ZNF66: variants seen among roughly 807,000 people sequenced by gnomAD.
The protein encoded by ZNF66 is putative zinc finger protein 66.
A neutral mutation model predicts 35.2 loss-of-function variants in ZNF66; 32 were observed. The ratio of observed to expected loss-of-function variants is 0.91; its 90% CI spans 0.69 to 1.22. ZNF66 has a LOEUF of 1.22. Ranked by LOEUF, ZNF66 falls within the 50% of genes most tolerant of loss-of-function variation. The pLI, the probability that ZNF66 is intolerant of heterozygous loss-of-function variation, is 0.00. For synonymous variants in ZNF66, 231 were observed against 181.3 expected (o/e 1.27, Z -2.20); for missense variants, 666 against 543.1 (o/e 1.23, Z -2.25).
chr19:20,779,381 G>A (rs1971224912), intron 1 of ZNF66, among the ~76,000 whole-genome samples: 1 of 152,052 alleles, frequency 6.6e-6, no homozygotes, highest in South Asian at 2.1e-4. Context: ...GAGTGAAAAA[G>A]TCAGATTTTA....
chr19:20,798,129 T>C (rs952313219), intron 3 of ZNF66, among the ~76,000 whole-genome samples: 1 of 152,162 alleles, frequency 6.6e-6, no homozygotes, highest in Non-Finnish European at 1.5e-5. Context: ...ATGGGGATAG[T>C]CTTATTTTAC....
chr19:20,776,330 G>T lies in ZNF66; in HGVS notation c.-118G>T. ...TCTCTCCCTGCAGCTGGAGCTCCAG[G>T]TCGTCTGTTCACTGCTCTCTGTCTT... On this transcript the variant is annotated 5_prime_UTR_variant, in exon 1 of 4. Transcript: ENST00000344519. The T allele has an allele frequency of 3.5e-6, 5 of 1,442,478 alleles. No individual in the cohort carries two copies. Among genetic ancestry groups the T allele is most frequent in the Non-Finnish European group, 4.9e-6 (5 of 1,027,834 alleles). The allele number at this position is 1,442,478 out of a possible 1,614,324, so 89.4% of individuals were successfully genotyped here.
intron 1 of ZNF66, 69 bp from the exon 2 acceptor site, chr19:20,792,443 C>T: frequency 7.5e-7 from 1 of 1,330,122 alleles, no homozygotes; most frequent in Admixed American, 2.2e-5. Flanking sequence ...TCTCTCATTT[C>T]ACCTTAAGTC....
intron 3 of ZNF66, among the ~76,000 whole-genome samples, chr19:20,803,667 A>T (rs1490343517): frequency 6.6e-6 from 1 of 152,114 alleles, no homozygotes; most frequent in African/African-American, 2.4e-5. Context: ...GTATGTGCAT[A>T]TCTTTCCCAG....
At chr19:20,789,322 C>T (rs753521907) in intron 1 of ZNF66, among the ~76,000 whole-genome samples, 1 of 152,128 alleles carries the variant, frequency 6.6e-6, no homozygotes, top group Admixed American at 6.6e-5. Context: ...TCTGACTATA[C>T]CTTGGAGTCT....
chr19:20,778,335 C>G (rs756036580), intron 1 of ZNF66, among the ~76,000 whole-genome samples: 1 of 152,280 alleles, frequency 6.6e-6, no homozygotes, highest in South Asian at 2.1e-4. Flanking sequence ...CTTCTGACCT[C>G]GTGATCTACC....
chr19:20,789,404 T>C (rs1971316020), intron 1 of ZNF66, among the ~76,000 whole-genome samples: 2 of 152,164 alleles, frequency 1.3e-5, no homozygotes, highest in African/African-American at 4.8e-5. Flanking sequence ...AGAGCTGGTG[T>C]TCACAATTTC....
chr19:20,806,966 G>A lies in ZNF66; in HGVS notation c.1366G>A (p.Glu456Lys). ...CACTGGAGAGAAACCCTACGAATGT[G>A]AAGACTGTGGCAAAGCCTTTAACCG... ...IHTGEKPYEC[E>K]DCGKAFNRSS... The change falls in exon 4 of 4, where the codon GAA becomes AAA. Residue 456 changes from glutamate to lysine, a missense_variant. By Grantham distance (56) the Glu-to-Lys change is moderately conservative. Transcript: ENST00000344519. The A allele has an allele frequency of 4.5e-6, 5 of 1,100,996 alleles. No homozygotes were observed. The allele number at this position is 1,100,996 out of a possible 1,614,324, so 68.2% of individuals were successfully genotyped here.
At chr19:20,785,599 G>T (rs1971279783) in intron 1 of ZNF66, among the ~76,000 whole-genome samples, 1 of 151,990 alleles carries the variant, frequency 6.6e-6, no homozygotes, top group African/African-American at 2.4e-5. Flanking sequence ...TTCCATCTTT[G>T]TATTCTGTTA....
chr19:20,806,740 C>T lies in ZNF66; in HGVS notation c.1140C>T (p.Tyr380=). ...KCEECGEAFK[Y]SCSLTAHKII... ...AAGAATGTGGTGAAGCCTTTAAGTA[C>T]TCCTGTTCCCTTACTGCACATAAGA... Residue 380 remains tyrosine (Y), a synonymous_variant, in exon 4 of 4, where the codon TAC becomes TAT. Coordinates refer to ENST00000344519, the MANE Select transcript of ZNF66 (RefSeq NM_001355197.2). 1 of 1,360,988 alleles carries T rather than the reference C, an allele frequency of 7.3e-7. No homozygotes were observed. Among genetic ancestry groups the T allele is most frequent in the South Asian group, 1.2e-5 (1 of 85,590 alleles). The allele number at this position is 1,360,988 out of a possible 1,614,324, so 84.3% of individuals were successfully genotyped here.
intron 1 of ZNF66, among the ~76,000 whole-genome samples, chr19:20,780,697 C>T (rs1971237806): frequency 6.6e-6 from 1 of 151,740 alleles, no homozygotes; most frequent in Non-Finnish European, 1.5e-5. Context: ...AAAAAGATAT[C>T]ACAGAGGCCT....
chr19:20,805,126 T>TGTGAGA (rs752355466), intron 3 of ZNF66, among the ~76,000 whole-genome samples: 66 of 146,078 alleles, frequency 4.5e-4, no homozygotes, highest in Non-Finnish European at 7.8e-4. Flanking sequence ...TGTGTGTGTG[T>TGTGAGA]GAGAGAGAGA....
chr19:20,778,799 A>AC (rs1399719787), intron 1 of ZNF66, among the ~76,000 whole-genome samples: 1 of 151,990 alleles, frequency 6.6e-6, no homozygotes, highest in Non-Finnish European at 1.5e-5. Context: ...AAAAAAAAAA[A>AC]AGTAAGAACC....
In ZNF66 at chr19:20,782,276, G is replaced by A. The variant is rs373290735; in HGVS notation, c.3+5826G>A. Among the ~76,000 whole-genome samples the A allele has an allele frequency of 1.2e-3, 186 of 152,268 alleles. 2 individuals carry two copies. The South Asian group carries it at 0.038, about 31-fold the overall frequency. ...TATTTTCTTTACCCAGTCTACCATT[G>A]ATAGGCATTTAGGGCCTGTCCTTGT... On this transcript the variant is annotated intron_variant, in intron 1 of 3. Transcript: ENST00000344519.
rs1225802905 is a variant in ZNF66, at chr19:20,806,351, C to T, written c.751C>T (p.His251Tyr). The change falls in exon 4 of 4, where the codon CAT becomes TAT. Residue 251 changes from histidine (H) to tyrosine (Y), a missense_variant. His to Tyr is a moderately conservative substitution (Grantham distance 83). Coordinates refer to ENST00000344519, the MANE Select transcript of ZNF66 (RefSeq NM_001355197.2). ...SSNLTTHKKI[H>Y]TGEKPYKCEE... ...TAACCTTACTACACATAAGAAAATTCATACTGGAGAGAAACCCTACAAATG... is the reference window on the plus strand; with the variant it reads ...TAACCTTACTACACATAAGAAAATTTATACTGGAGAGAAACCCTACAAATG... The T allele has an allele frequency of 1.5e-5, 24 of 1,562,608 alleles. No homozygotes were observed. Among genetic ancestry groups the T allele is most frequent in the Non-Finnish European group, 1.9e-5 (22 of 1,133,804 alleles).
rs1191627838 is a variant in ZNF66, at chr19:20,800,497, G to A, written c.227-5330G>A. ...CTGCAATATAAATCCTCAATGTTGG[G>A]TGTGGGACCTGGTGGGACATATTTG... On this transcript the variant is annotated intron_variant, in intron 3 of 3. Transcript: ENST00000344519. Among the ~76,000 whole-genome samples, 3 of 152,114 alleles carry A rather than the reference G, an allele frequency of 2.0e-5. No homozygotes were observed. The South Asian group carries it at 6.2e-4, about 32-fold the overall frequency.
chr19:20,779,794 G>T (rs1235192252), intron 1 of ZNF66, among the ~76,000 whole-genome samples: 1 of 151,918 alleles, frequency 6.6e-6, no homozygotes, highest in Non-Finnish European at 1.5e-5. Context: ...CAGGTGTGGT[G>T]GTGCATGCCT....
At chr19:20,793,082 A>AG (rs1213482672) in intron 2 of ZNF66, among the ~76,000 whole-genome samples, 4 of 151,618 alleles carry the variant, frequency 2.6e-5, no homozygotes, top group Non-Finnish European at 5.9e-5. Context: ...AGAAAAAAAA[A>AG]AAAGAAAGAA....
chr19:20,795,270 T>C (rs1438274211), intron 3 of ZNF66, among the ~76,000 whole-genome samples: 1 of 152,208 alleles, frequency 6.6e-6, no homozygotes, highest in Non-Finnish European at 1.5e-5. Flanking sequence ...TAGTTTTGTA[T>C]TGGTGTCTGA....
Sources: allele counts gnomAD v4.1 joint callset (sites outside exome capture counted in the v4.1 genomes callset), GRCh38; gene constraint gnomAD v4.1.1; transcripts MANE v1.5; gene names NCBI Gene and HGNC (gene_info 2026-07-23, HGNC 2026-07-21).